Variants in GLIS3 observed in about 807,000 individuals in gnomAD.
The protein encoded by GLIS3 is GLIS family zinc finger 3, also known as zinc finger protein GLIS3.
GLIS3 carries 53 observed loss-of-function variants against 78.6 expected under a neutral mutation model. That is an observed-to-expected ratio of 0.67 (90% CI 0.54 to 0.85). The LOEUF (loss-of-function observed/expected upper bound fraction) is 0.85, where lower values mean the gene tolerates loss of function less well. Ranked by LOEUF, GLIS3 falls within the 40% of genes least tolerant of loss-of-function variation. The pLI is 0.00. For missense variants in GLIS3, 1,703 were observed against 1,231.1 expected, an observed-to-expected ratio of 1.38 and a Z score of -5.74; for synonymous variants, 684 against 509.9, an observed-to-expected ratio of 1.34 and a Z score of -4.60.
At chr9:4,351,937 A>T (rs901143375), upstream of GLIS3, among the ~76,000 whole-genome samples, 4 of 152,226 alleles carry the variant, frequency 2.6e-5, no homozygotes, top group Non-Finnish European at 4.4e-5. Flanking sequence ...TATTTGAGTT[A>T]CATTTTGGAT....
intron 4 of GLIS3, among the ~76,000 whole-genome samples, chr9:4,042,100 C>T (rs966345768): frequency 6.6e-6 from 1 of 152,002 alleles, no homozygotes; most frequent in South Asian, 2.1e-4. Flanking sequence ...ATAGAACGCA[C>T]GTTAATCATT....
upstream of GLIS3, among the ~76,000 whole-genome samples, chr9:4,300,708 C>G (rs1321424799): frequency 6.6e-6 from 1 of 151,764 alleles, no homozygotes; most frequent in Non-Finnish European, 1.5e-5. Context: ...GCCTCATACC[C>G]CACCTAAGCT....
chr9:4,173,427 T>A (rs1226241402), intron 2 of GLIS3, among the ~76,000 whole-genome samples: 1 of 152,152 alleles, frequency 6.6e-6, no homozygotes, highest in Non-Finnish European at 1.5e-5. Flanking sequence ...CTTCTTATCA[T>A]CTTGTAAATA....
intron 8 of GLIS3, among the ~76,000 whole-genome samples, chr9:3,867,383 A>AT (rs1176728913): frequency 6.6e-6 from 1 of 152,220 alleles, no homozygotes; most frequent in African/African-American, 2.4e-5. Context: ...AGTGTATTTA[A>AT]GAAGTTATTA....
chr9:4,287,481 G>C lies in GLIS3; in HGVS notation c.-98-958C>G, dbSNP rs1587316669. The stretch of plus-strand genomic sequence containing the variant: ...CCCTTGACCAATAGCTCCCCAAAAT[G>C]TATGCGATGAGGTGGTAAAGTGCCA... On this transcript the variant is annotated intron_variant, in intron 1 of 10. Coordinates refer to ENST00000381971, the MANE Select transcript of GLIS3 (RefSeq NM_001042413.2). Among the ~76,000 whole-genome samples the C allele has an allele frequency of 2.0e-5, 3 of 152,312 alleles. 1 individual carries two copies.
intron 4 of GLIS3, among the ~76,000 whole-genome samples, chr9:3,965,694 T>C (rs1817890956): frequency 6.6e-6 from 1 of 152,204 alleles, no homozygotes; most frequent in South Asian, 2.1e-4. Flanking sequence ...AACCCCGCTA[T>C]GTTCCTAGTA....
chr9:3,887,976 C>T (rs1822188719), intron 7 of GLIS3, among the ~76,000 whole-genome samples: 1 of 152,174 alleles, frequency 6.6e-6, no homozygotes, highest in African/African-American at 2.4e-5. Flanking sequence ...ACCTCCCAAC[C>T]TACCTGCTAC....
intron 3 of GLIS3, among the ~76,000 whole-genome samples, chr9:4,309,234 T>C (rs1817301366): frequency 6.6e-6 from 1 of 152,218 alleles, no homozygotes; most frequent in Non-Finnish European, 1.5e-5. Context: ...CATTGCTGTC[T>C]ACATAATAGG....
upstream of GLIS3, among the ~76,000 whole-genome samples, chr9:4,300,208 TCACACACACACA>T (rs35733770): frequency 8.2e-4 from 117 of 143,040 alleles, 1 homozygote; most frequent in East Asian, 7.9e-3. Context: ...CTTGACGCAT[TCACACACACACA>T]CACACACACA....
chr9:4,205,628 G>A (rs1352115888), intron 2 of GLIS3, among the ~76,000 whole-genome samples: 2 of 152,220 alleles, frequency 1.3e-5, no homozygotes, highest in African/African-American at 2.4e-5. Flanking sequence ...AAACATGGAT[G>A]TGGGGAGAAT....
chr9:4,410,774 A>T, the GLIS3 span, among the ~76,000 whole-genome samples: 1 of 152,330 alleles, frequency 6.6e-6, no homozygotes, highest in East Asian at 1.9e-4. Flanking sequence ...GCTCATATTT[A>T]ACTGCCAGCC....
chr9:4,379,953 G>GAC, the GLIS3 span, among the ~76,000 whole-genome samples: 5 of 132,238 alleles, frequency 3.8e-5, no homozygotes, highest in African/African-American at 1.4e-4. Context: ...CTTAGAGGCA[G>GAC]ACAGAGTGAA....
At chr9:4,481,802 C>T in the GLIS3 span, among the ~76,000 whole-genome samples, 14 of 152,306 alleles carry the variant, frequency 9.2e-5, no homozygotes, top group African/African-American at 3.4e-4. Flanking sequence ...AATACATGCA[C>T]TTATGACTGA....
chr9:4,273,839 A>G lies in GLIS3; in HGVS notation c.388+12199T>C, dbSNP rs144422406. On this transcript the variant is annotated intron_variant, in intron 2 of 10. Coordinates refer to ENST00000381971, the MANE Select transcript of GLIS3 (RefSeq NM_001042413.2). Reference sequence around the variant, plus strand: ...TGTCTTTCTCAGCTTCTTGACTCCAAATTTCCAAATGCTCCTATGAATCTG... The same window carrying G: ...TGTCTTTCTCAGCTTCTTGACTCCAGATTTCCAAATGCTCCTATGAATCTG... Among the ~76,000 whole-genome samples the G allele has an allele frequency of 6.0e-3, 905 of 152,062 alleles. 7 individuals are homozygous for G. The highest frequency in any genetic ancestry group is 0.02 in the African/African-American group (849 of 41,456).
At chr9:3,839,179 T>A (rs1818562229) in intron 9 of GLIS3, among the ~76,000 whole-genome samples, 1 of 152,176 alleles carries the variant, frequency 6.6e-6, no homozygotes, top group African/African-American at 2.4e-5. Context: ...GCAGAGGAAA[T>A]GTTGAGTGCC....
At chr9:4,457,988 C>G in the GLIS3 span, among the ~76,000 whole-genome samples, 1 of 151,990 alleles carries the variant, frequency 6.6e-6, no homozygotes, top group African/African-American at 2.4e-5. Flanking sequence ...TTTCACAAAC[C>G]CCACTCAAAG....
chr9:4,180,947 C>A (rs1817267324), intron 2 of GLIS3, among the ~76,000 whole-genome samples: 1 of 152,154 alleles, frequency 6.6e-6, no homozygotes, highest in Non-Finnish European at 1.5e-5. Flanking sequence ...CCCTGGGCAT[C>A]CTGAATGTGA....
At chr9:3,867,753 G>T (rs1416153048) in intron 8 of GLIS3, among the ~76,000 whole-genome samples, 1 of 138,892 alleles carries the variant, frequency 7.2e-6, no homozygotes, top group Non-Finnish European at 1.6e-5. Context: ...GTGTGTGTGT[G>T]TGAGTGCATG....
At chr9:3,870,585 G>A (rs1474904577) in intron 8 of GLIS3, among the ~76,000 whole-genome samples, 2 of 152,208 alleles carry the variant, frequency 1.3e-5, no homozygotes, top group Non-Finnish European at 2.9e-5. Context: ...ATGGATGGCA[G>A]AAGGCAAAGA....
Sources: allele counts gnomAD v4.1 joint callset (sites outside exome capture counted in the v4.1 genomes callset), GRCh38; gene constraint gnomAD v4.1.1; transcripts MANE v1.5; gene names NCBI Gene and HGNC (gene_info 2026-07-23, HGNC 2026-07-21).